SLC26A5: variants seen among roughly 807,000 people sequenced by gnomAD.
SLC26A5 encodes prestin.
In SLC26A5, 51 loss-of-function variants were observed where a neutral mutation model predicts 81.0. That is an observed-to-expected ratio of 0.63 (90% CI 0.50 to 0.80). SLC26A5 has a LOEUF of 0.80. SLC26A5 is among the 30% of genes least tolerant of loss of function. SLC26A5 has a pLI of 0.00. For missense variants in SLC26A5, 771 were observed against 905.8 expected (o/e 0.85, Z 1.91); for synonymous variants, 325 against 332.8 (o/e 0.98, Z 0.25).
At chr7:103,435,278 G>A (rs181298642) in intron 2 of SLC26A5, among the ~76,000 whole-genome samples, 11 of 152,194 alleles carry the variant, frequency 7.2e-5, no homozygotes, top group African/African-American at 2.4e-4. Context: ...TCTTTTCCCT[G>A]AATGATCTCT....
At chr7:103,385,613 A>G (rs1822126596) in intron 14 of SLC26A5, among the ~76,000 whole-genome samples, 1 of 152,186 alleles carries the variant, frequency 6.6e-6, no homozygotes, top group Non-Finnish European at 1.5e-5. Flanking sequence ...AATCACCAAC[A>G]AAGGATAGAA....
intron 8 of SLC26A5, among the ~76,000 whole-genome samples, chr7:103,399,536 A>G (rs1056247302): frequency 1.3e-5 from 2 of 152,186 alleles, no homozygotes; most frequent in Admixed American, 1.3e-4. Flanking sequence ...ACTTGTTGTT[A>G]TAATTTGGAT....
At chr7:103,389,529 T>G in intron 12 of SLC26A5, 105 bp from the exon 13 acceptor site, 1 of 812,622 alleles carries the variant, frequency 1.2e-6, no homozygotes, top group Non-Finnish European at 2.1e-6. Context: ...TTCTCCCTAC[T>G]CACTTCCTAT....
chr7:103,412,464 T>C (rs1312441908), intron 5 of SLC26A5, among the ~76,000 whole-genome samples: 1 of 152,032 alleles, frequency 6.6e-6, no homozygotes, highest in Non-Finnish European at 1.5e-5. Context: ...ATTGCCCTTT[T>C]ACACAAGAAA....
intron 14 of SLC26A5, among the ~76,000 whole-genome samples, chr7:103,384,136 A>C (rs193081359): frequency 6.6e-6 from 1 of 152,156 alleles, no homozygotes; most frequent in African/African-American, 2.4e-5. Context: ...GTCTCTAAAA[A>C]CAATAAAATA....
At chr7:103,353,046 T>C (rs1819814216) in intron 19 of SLC26A5, 1 of 766,090 alleles carries the variant, frequency 1.3e-6, no homozygotes, top group Non-Finnish European at 2.4e-6. Context: ...ACAAATAAAT[T>C]TGAGCAGCTA....
rs1164390702 is a variant in SLC26A5 at position 103,365,006 on chromosome 7, A to G, written c.2041+11802T>C. Among the ~76,000 whole-genome samples the G allele has an allele frequency of 2.2e-5, 3 of 136,324 alleles. No individual in the cohort carries two copies. The East Asian group carries it at 6.3e-4, about 29-fold the overall frequency. The allele number at this position is 136,324 out of a possible 152,430, so 89.4% of individuals were successfully genotyped here. ...ATATTTAGAGAATAAGTCTAGGGCT[A>G]TATGTATTGTATCTGAAACCTGTTG... On this transcript the variant is annotated intron_variant, in intron 19 of 19. Coordinates refer to the SLC26A5 transcript ENST00000339444.
chr7:103,367,133 A>T lies in SLC26A5; in HGVS notation c.2041+9675T>A, dbSNP rs149675595. Among the ~76,000 whole-genome samples, 8 of 152,336 alleles carry T rather than the reference A, an allele frequency of 5.3e-5. No individual in the cohort carries two copies. In the East Asian group the frequency reaches 1.5e-3, roughly 29 times the overall value. On this transcript the variant is annotated intron_variant, in intron 19 of 19. Coordinates refer to the SLC26A5 transcript ENST00000339444. This position sits in a 1 kb window ranked among gnomAD's most constrained non-coding sequence, Gnocchi z 6.1. Reference sequence around the variant, plus strand: ...ACTTCATGAGTTTTTGAGAGGTCCAAATTAAGTAATAAATGTGGTAGACTT... The same window carrying T: ...ACTTCATGAGTTTTTGAGAGGTCCATATTAAGTAATAAATGTGGTAGACTT...
chr7:103,388,331 G>T (rs768804057), intron 14 of SLC26A5, among the ~76,000 whole-genome samples: 3 of 151,690 alleles, frequency 2.0e-5, no homozygotes, highest in Non-Finnish European at 1.5e-5. Context: ...CAAGTAGCTG[G>T]GATTACAGGT....
chr7:103,440,297 C>A (rs1325474262), intron 2 of SLC26A5, among the ~76,000 whole-genome samples: 1 of 152,140 alleles, frequency 6.6e-6, no homozygotes, highest in Non-Finnish European at 1.5e-5. Context: ...CAGGCACTGG[C>A]TAAGAAATTT....
At chr7:103,373,523 TC>T (rs1360924203), downstream of SLC26A5, among the ~76,000 whole-genome samples, 1 of 152,214 alleles carries the variant, frequency 6.6e-6, no homozygotes, top group Non-Finnish European at 1.5e-5. Context: ...TGCCCCAGTC[TC>T]TTTAACAAGT....
chr7:103,355,455 C>T lies in SLC26A5; in HGVS notation c.2042-2529G>A, dbSNP rs185393845. On this transcript the variant is annotated intron_variant, in intron 19 of 19. Transcript: ENST00000339444. ...ATTTTGCCCCACCCTCCCAACCCCT[C>T]CCAGAGGACACTGGGCAATGTCTGG... 2.6e-4 allele frequency among the ~76,000 whole-genome samples: 39 copies of T among 148,728 alleles called. No homozygotes were observed. The East Asian group carries it at 6.6e-3, about 25-fold the overall frequency.
At position 103,366,237 on chromosome 7, in the gene SLC26A5, G is replaced by A. The variant is rs1334731098; in HGVS notation, c.2041+10571C>T. 3 of 1,317,312 alleles carry A rather than the reference G, an allele frequency of 2.3e-6. No individual in the cohort carries two copies. In the African/African-American group the frequency reaches 4.4e-5, roughly 19 times the overall value. 81.6% of individuals were successfully genotyped at this position (1,317,312 alleles called of 1,614,324 possible). The stretch of plus-strand genomic sequence containing the variant: ...GCTGTAAAGTGATATGTCGTGATAT[G>A]TTAATCTTGTACAGAATTTTAACTC... On this transcript the variant is annotated intron_variant, in intron 19 of 19. Transcript: ENST00000339444.
chr7:103,411,518 T>C lies in SLC26A5; in HGVS notation c.472A>G (p.Ile158Val), dbSNP rs886061849. Residue 158 changes from isoleucine to valine, a missense_variant, in exon 6 of 20, where the codon ATT (isoleucine) becomes GTT (valine). Ile to Val is a conservative substitution (Grantham distance 29, BLOSUM62 3). Coordinates refer to ENST00000306312, the MANE Select transcript of SLC26A5 (RefSeq NM_198999.3). ...AVRLVPDDIV[I>V]PGGVNATNGT... ...TTGGTTGCATTTACTCCTCCTGGAA[T>C]GACTATATCATCTGGTACTAATCGA... 3 of 1,614,220 alleles carry C rather than the reference T, an allele frequency of 1.9e-6. No individual in the cohort carries two copies. The highest frequency in any genetic ancestry group is 2.5e-6 in the Non-Finnish European group (3 of 1,180,034).
chr7:103,412,544 T>TC (rs1247445721), intron 5 of SLC26A5, among the ~76,000 whole-genome samples: 2 of 129,944 alleles, frequency 1.5e-5, no homozygotes, highest in Non-Finnish European at 3.0e-5. Flanking sequence ...GGAGTGTAGT[T>TC]TTTTTTTTGT....
chr7:103,402,347 T>C (rs796783460), intron 8 of SLC26A5, among the ~76,000 whole-genome samples: 3 of 151,996 alleles, frequency 2.0e-5, no homozygotes, highest in Non-Finnish European at 4.4e-5. Flanking sequence ...TTAATTTGCA[T>C]AGAGGTGTTT....
intron 14 of SLC26A5, among the ~76,000 whole-genome samples, chr7:103,384,633 A>G (rs1366738013): frequency 6.6e-6 from 1 of 151,874 alleles, no homozygotes; most frequent in East Asian, 1.9e-4. Flanking sequence ...AAAAGTGCTG[A>G]TTTGTCAGCT....
intron 14 of SLC26A5, 60 bp downstream of exon 14, chr7:103,388,948 T>A: frequency 7.7e-7 from 1 of 1,300,626 alleles, no homozygotes; most frequent in Non-Finnish European, 1.1e-6. Flanking sequence ...GGTCTACACC[T>A]AAAGTCAACA....
intron 4 of SLC26A5, among the ~76,000 whole-genome samples, chr7:103,413,681 T>C (rs749519747): frequency 7.9e-5 from 12 of 152,200 alleles, no homozygotes; most frequent in Non-Finnish European, 1.5e-4. Flanking sequence ...AGTTACTCAA[T>C]GGGAAAGCTT....
Sources: allele counts gnomAD v4.1 joint callset (sites outside exome capture counted in the v4.1 genomes callset), GRCh38; gene constraint gnomAD v4.1.1; non-coding constraint Gnocchi (gnomAD v3.1); transcripts MANE v1.5; gene names NCBI Gene and HGNC (gene_info 2026-07-23, HGNC 2026-07-21).